The following GRM7 variants were observed in gnomAD, a reference collection of about 807,000 sequenced individuals.
GRM7 encodes glutamate metabotropic receptor 7.
GRM7 carries 35 observed loss-of-function variants against 84.5 expected under a neutral mutation model. The observed-to-expected ratio is 0.41, with a 90% confidence interval of 0.32 to 0.55. The LOEUF is 0.55. Ranked by LOEUF, GRM7 falls within the 20% of genes least tolerant of loss-of-function variation. The probability of loss-of-function intolerance (pLI) is 0.19; values close to 1 mark genes in which losing one functional copy is unlikely to be tolerated. For synonymous variants in GRM7, 487 were observed against 455.1 expected (o/e 1.07, Z -0.89); for missense variants, 1,003 against 1,194.6 (o/e 0.84, Z 2.36).
At chr3:7,634,290 A>G (rs891508245) in intron 8 of GRM7, among the ~76,000 whole-genome samples, 2 of 152,070 alleles carry the variant, frequency 1.3e-5, no homozygotes, top group African/African-American at 2.4e-5. Flanking sequence ...CTGCTTGTTG[A>G]TCAACTAAAT....
At chr3:7,456,288 G>T (rs1698005472) in intron 6 of GRM7, among the ~76,000 whole-genome samples, 3 of 151,916 alleles carry the variant, frequency 2.0e-5, no homozygotes, top group Admixed American at 2.0e-4. Context: ...AGACCATTTT[G>T]TCTAGATGGT....
intron 4 of GRM7, among the ~76,000 whole-genome samples, chr3:7,335,874 C>G (rs959354575): frequency 2.0e-5 from 3 of 151,812 alleles, no homozygotes; most frequent in Non-Finnish European, 4.4e-5. Flanking sequence ...AGAAACTGAA[C>G]AGACCAATAA....
chr3:6,983,265 G>T (rs1305529479), intron 1 of GRM7, among the ~76,000 whole-genome samples: 1 of 152,172 alleles, frequency 6.6e-6, no homozygotes, highest in Non-Finnish European at 1.5e-5. Context: ...GTTCGTTAAT[G>T]CAGGGAGACT....
At chr3:6,879,343 T>C (rs1695425602) in intron 1 of GRM7, among the ~76,000 whole-genome samples, 1 of 152,214 alleles carries the variant, frequency 6.6e-6, no homozygotes, top group Non-Finnish European at 1.5e-5. Context: ...TTTTGATATA[T>C]GAACATAGTG....
intron 8 of GRM7, among the ~76,000 whole-genome samples, chr3:7,672,419 A>G (rs1369235401): frequency 6.6e-6 from 1 of 152,084 alleles, no homozygotes; most frequent in Non-Finnish European, 1.5e-5. Flanking sequence ...CATTGGCTAC[A>G]TTTTTCATTT....
At chr3:7,401,742 A>T (rs1695461525) in intron 4 of GRM7, among the ~76,000 whole-genome samples, 1 of 152,138 alleles carries the variant, frequency 6.6e-6, no homozygotes, top group African/African-American at 2.4e-5. Flanking sequence ...GCATCTCTCT[A>T]ACTTCTGAAT....
chr3:6,986,850 A>G (rs80247689), intron 1 of GRM7, among the ~76,000 whole-genome samples: 1,820 of 152,278 alleles, frequency 0.012, 34 homozygotes, highest in African/African-American at 0.041. Flanking sequence ...CGTGAGCTGC[A>G]TGATTGGAGG....
At chr3:7,573,022 G>C (rs1694782285) in intron 7 of GRM7, among the ~76,000 whole-genome samples, 1 of 150,608 alleles carries the variant, frequency 6.6e-6, no homozygotes, top group South Asian at 2.1e-4. Context: ...TCGCTGTCTA[G>C]TCATGCTACT....
intron 1 of GRM7, among the ~76,000 whole-genome samples, chr3:7,072,455 G>T (rs527586891): frequency 6.6e-6 from 1 of 152,262 alleles, no homozygotes; most frequent in South Asian, 2.1e-4. Flanking sequence ...GCTGAGGCAG[G>T]AGGATTGCTT....
chr3:6,995,871 G>A (rs926861160), intron 1 of GRM7, among the ~76,000 whole-genome samples: 1 of 152,150 alleles, frequency 6.6e-6, no homozygotes, highest in Non-Finnish European at 1.5e-5. Context: ...AATTTTAATA[G>A]TAATTGAGTT....
intron 1 of GRM7, among the ~76,000 whole-genome samples, chr3:7,086,568 C>A (rs1462292237): frequency 2.0e-5 from 3 of 152,106 alleles, no homozygotes. Flanking sequence ...TTGCTTAACA[C>A]CCTGGTGACT....
chr3:7,531,205 T>C (rs1003728137), intron 7 of GRM7, among the ~76,000 whole-genome samples: 1 of 152,062 alleles, frequency 6.6e-6, no homozygotes, highest in African/African-American at 2.4e-5. Context: ...ACAGGGAATC[T>C]TCCCCATTGC....
chr3:7,054,370 A>G (rs998350174), intron 1 of GRM7, among the ~76,000 whole-genome samples: 9 of 150,020 alleles, frequency 6.0e-5, no homozygotes, highest in Non-Finnish European at 1.0e-4. Context: ...TATGATATAT[A>G]TGATATCTTT....
At chr3:7,726,643 A>C (rs1335556366) in intron 9 of GRM7, among the ~76,000 whole-genome samples, 1,954 of 111,054 alleles carry the variant, frequency 0.018, 172 homozygotes, top group African/African-American at 0.055. Flanking sequence ...ATATATATAT[A>C]TATATATATA....
intron 4 of GRM7, among the ~76,000 whole-genome samples, chr3:7,350,977 T>C (rs1693115574): frequency 6.6e-6 from 1 of 152,096 alleles, no homozygotes; most frequent in African/African-American, 2.4e-5. Flanking sequence ...CCTTTCATCA[T>C]TGAAACTTGT....
intron 1 of GRM7, among the ~76,000 whole-genome samples, chr3:7,090,249 G>T (rs1422573410): frequency 1.3e-5 from 2 of 152,166 alleles, no homozygotes; most frequent in East Asian, 3.9e-4. Flanking sequence ...ATGTGAAAAT[G>T]AGGATTTGGG....
intron 1 of GRM7, among the ~76,000 whole-genome samples, chr3:7,141,960 C>T (rs1693958439): frequency 6.6e-6 from 1 of 151,430 alleles, no homozygotes; most frequent in Non-Finnish European, 1.5e-5. Context: ...ATGTAAACCT[C>T]AAATATTTTT....
At chr3:7,621,053 G>C (rs902866187) in intron 8 of GRM7, among the ~76,000 whole-genome samples, 1 of 152,046 alleles carries the variant, frequency 6.6e-6, no homozygotes, top group Non-Finnish European at 1.5e-5. Context: ...GTAGAAACGG[G>C]ATGCATTTCC....
intron 2 of GRM7, among the ~76,000 whole-genome samples, chr3:7,250,387 A>G (rs1256826703): frequency 4.9e-5 from 2 of 40,886 alleles, no homozygotes; most frequent in Admixed American, 7.3e-4. Context: ...AAATTATTTA[A>G]CTATAGAAAT....
Sources: allele counts gnomAD v4.1 joint callset (sites outside exome capture counted in the v4.1 genomes callset), GRCh38; gene constraint gnomAD v4.1.1; transcripts MANE v1.5; gene names NCBI Gene and HGNC (gene_info 2026-07-23, HGNC 2026-07-21).